Variants in KIF13A observed in about 807,000 individuals in gnomAD.
KIF13A encodes kinesin family member 13A, also known as kinesin-like protein KIF13A.
In KIF13A, 79 loss-of-function variants were observed where a neutral mutation model predicts 212.2. The ratio of observed to expected loss-of-function variants is 0.37; its 90% CI spans 0.31 to 0.45. The LOEUF is 0.45. Among genes scored for constraint, KIF13A ranks in the 20% least tolerant of loss-of-function variants. The pLI is 1.00. For missense variants in KIF13A, 1,901 were observed against 2,209.0 expected (o/e 0.86, Z 2.79); for synonymous variants, 789 against 808.6 (o/e 0.98, Z 0.41).
chr6:17,792,065 C>T (rs1208620876), intron 25 of KIF13A, among the ~76,000 whole-genome samples: 2 of 151,292 alleles, frequency 1.3e-5, no homozygotes, highest in Admixed American at 6.6e-5. Flanking sequence ...TAGACAGGTG[C>T]GTTGGCAGGT....
At chr6:17,952,992 C>T (rs1023705692) in intron 2 of KIF13A, among the ~76,000 whole-genome samples, 4 of 151,054 alleles carry the variant, frequency 2.6e-5, no homozygotes, top group South Asian at 2.1e-4. Context: ...AAGAGAGGAC[C>T]GGAGGGGAGA....
chr6:17,764,618 G>A lies in KIF13A; in HGVS notation c.4910C>T (p.Thr1637Ile). ...CCTGAAATCATGCACAAGCGATGGT[G>A]TGGAGTGCTCGGTGGAGTCTGCATC... is the stretch of plus-strand genomic sequence containing the variant. ...TKDADSTEHS[T>I]PSLVHDFRPS... is the part of the protein sequence containing the mutation. Residue 1637 changes from threonine to isoleucine, a missense_variant, in exon 39 of 39, where the codon ACA becomes ATA. By Grantham distance (89) the Thr-to-Ile change is moderately conservative. Around this residue, in one of 5 missense-constraint regions of KIF13A, gnomAD observed 687 missense variants for 759.1 expected, o/e 0.90. Coordinates refer to ENST00000259711, the MANE Select transcript of KIF13A (RefSeq NM_022113.6). The surrounding 1 kb of genome is among the most constrained non-coding windows in gnomAD (Gnocchi z 5.1). 1 of 1,614,004 alleles carries A rather than the reference G, an allele frequency of 6.2e-7. No individual in the cohort carries two copies. The highest frequency in any genetic ancestry group is 8.5e-7 in the Non-Finnish European group (1 of 1,179,898).
Position 17,816,916 on chromosome 6 carries a change from T to C in KIF13A, c.2000+104A>G. The stretch of plus-strand genomic sequence containing the variant: ...CAATATCACGTATGGGATTAAGAGT[T>C]CTCTTGTTGCTAGGTTTGTCCCTGA... On this transcript the variant is annotated intron_variant, in intron 17 of 38. Coordinates refer to ENST00000259711, the MANE Select transcript of KIF13A (RefSeq NM_022113.6). This position sits in a 1 kb window ranked among gnomAD's most constrained non-coding sequence, Gnocchi z 4.3. 1 of 816,766 alleles carries C rather than the reference T, an allele frequency of 1.2e-6. No individual in the cohort carries two copies. The highest frequency in any genetic ancestry group is 2.7e-5 in the East Asian group (1 of 37,572). 50.6% of individuals were successfully genotyped at this position (816,766 alleles called of 1,614,324 possible). A position where few individuals can be genotyped will look rare whatever the true frequency, so the allele number is the denominator to read the frequency against.
rs1022746338 is a variant in KIF13A, at chr6:17,825,745, G to A, written c.1786+23C>T. ...GAGGTGAGGAAATGCCCAAGGCGCT[G>A]GAACACAGAGTGAGGGTCTTACCAT... On this transcript the variant is annotated intron_variant, in intron 16 of 38. Transcript: ENST00000259711. The surrounding 1 kb of genome is among the most constrained non-coding windows in gnomAD (Gnocchi z 4.5). 14 of 1,603,482 alleles carry A rather than the reference G, an allele frequency of 8.7e-6. No individual in the cohort carries two copies. In the Admixed American group the frequency reaches 1.4e-4, roughly 16 times the overall value.
intron 38 of KIF13A, among the ~76,000 whole-genome samples, chr6:17,767,644 G>A (rs1339154581): frequency 6.6e-6 from 1 of 152,142 alleles, no homozygotes; most frequent in Non-Finnish European, 1.5e-5. Context: ...CATACCTGAT[G>A]CAATTAATTA....
chr6:17,768,590 T>C lies in KIF13A; in HGVS notation c.4581+2524A>G, dbSNP rs952619732. Among the ~76,000 whole-genome samples the C allele has an allele frequency of 1.3e-5, 2 of 152,206 alleles. No homozygotes were observed. Among genetic ancestry groups the C allele is most frequent in the Non-Finnish European group, 2.9e-5 (2 of 68,042 alleles). On this transcript the variant is annotated intron_variant, in intron 38 of 38. Transcript: ENST00000259711. The surrounding 1 kb of genome is among the most constrained non-coding windows in gnomAD (Gnocchi z 5.4). ...AGAGCAGCTGCAGGGCATACTGGAA[T>C]TGCACTATATTTGAAAGCACCTGGA...
At position 17,895,286 on chromosome 6, in the gene KIF13A, G is replaced by A. The variant is rs1772458224; in HGVS notation, c.159+2882C>T. 1.3e-5 allele frequency among the ~76,000 whole-genome samples: 2 copies of A among 152,106 alleles called. No individual in the cohort carries two copies. The highest frequency in any genetic ancestry group is 6.6e-5 in the Admixed American group (1 of 15,254). On this transcript the variant is annotated intron_variant, in intron 3 of 38. Transcript: ENST00000259711. The surrounding 1 kb of genome is among the most constrained non-coding windows in gnomAD (Gnocchi z 4.4). ...TCTATTTCTAATTTTTATTATTTCT[G>A]TTGGCTCTTGTTCATGTCACATCTT...
rs1760810272 is a variant in KIF13A, at chr6:17,783,766, A to C, written c.3489-65T>G. 4.8e-6 allele frequency: 5 copies of C among 1,043,688 alleles called. No homozygotes were observed. The South Asian group carries it at 5.4e-5, about 11-fold the overall frequency. 64.7% of individuals were successfully genotyped at this position (1,043,688 alleles called of 1,614,324 possible). ...ATTTTACATCTTGTTAGCTGATAAA[A>C]CACCACAGAGCTGTGGAAGCAAAGA... On this transcript the variant is annotated intron_variant, in intron 28 of 38. Transcript: ENST00000259711. The surrounding 1 kb of genome is among the most constrained non-coding windows in gnomAD (Gnocchi z 4.3).
chr6:17,937,678 A>G (rs1049509774), intron 2 of KIF13A, among the ~76,000 whole-genome samples: 1 of 152,128 alleles, frequency 6.6e-6, no homozygotes, highest in African/African-American at 2.4e-5. Context: ...CAATATAAGA[A>G]TGTACAAGAA....
Position 17,963,982 on chromosome 6 carries a change from T to C in KIF13A, c.146+23072A>G, listed in dbSNP as rs543815012. On this transcript the variant is annotated intron_variant, in intron 2 of 38. Transcript: ENST00000259711. This position sits in a 1 kb window ranked among gnomAD's most constrained non-coding sequence, Gnocchi z 4.1. ...AAATTTACACCTCAGCTAGGCACAA[T>C]GGGTCATGCTTGTAATTCCAGCACT... 6.6e-6 allele frequency among the ~76,000 whole-genome samples: 1 copy of C among 152,290 alleles called. No homozygotes were observed. Among genetic ancestry groups the C allele is most frequent in the African/African-American group, 2.4e-5 (1 of 41,560 alleles).
Position 17,919,297 on chromosome 6 carries a change from C to T in KIF13A, c.147-21117G>A, listed in dbSNP as rs1774829940. Among the ~76,000 whole-genome samples, 2 of 152,180 alleles carry T rather than the reference C, an allele frequency of 1.3e-5. No individual in the cohort carries two copies. Among genetic ancestry groups the T allele is most frequent in the South Asian group, 4.1e-4 (2 of 4,828 alleles). On this transcript the variant is annotated intron_variant, in intron 2 of 38. Transcript: ENST00000259711. This position sits in a 1 kb window ranked among gnomAD's most constrained non-coding sequence, Gnocchi z 4.1. ...GAAAGTATCCCTCTTCAACAATTAC[C>T]AATACATGGCCAGTCTTGCACAGGT...
At chr6:17,887,958 A>G (rs1368134255) in intron 3 of KIF13A, among the ~76,000 whole-genome samples, 2 of 150,480 alleles carry the variant, frequency 1.3e-5, no homozygotes, top group South Asian at 2.1e-4. Flanking sequence ...CGTCTGCCTC[A>G]GCCTCCCAAA....
chr6:17,985,563 C>G (rs994403977), intron 2 of KIF13A, among the ~76,000 whole-genome samples: 1 of 145,408 alleles, frequency 6.9e-6, no homozygotes, highest in African/African-American at 2.6e-5. Flanking sequence ...AAGTATTCTA[C>G]CTGTTCCCCC....
At chr6:17,766,286 C>A (rs1758974241) in intron 38 of KIF13A, among the ~76,000 whole-genome samples, 1 of 149,048 alleles carries the variant, frequency 6.7e-6, no homozygotes, top group African/African-American at 2.5e-5. Context: ...GTTGCCCAGG[C>A]TGGAGTGCAA....
chr6:17,805,395 G>GTGTC lies in KIF13A; in HGVS notation c.2304+79_2304+80insGACA, dbSNP rs1762857045. On this transcript the variant is annotated intron_variant, in intron 19 of 38. Transcript: ENST00000259711. ...CGTGTGTGTGTGTGTGTGTGTGTGT[G>GTGTC]TGTGTGTGTGTGTTGCTAAATCGCT... 3.1e-5 allele frequency: 19 copies of GTGTC among 613,362 alleles called. No homozygotes were observed. In the Admixed American group the frequency reaches 5.0e-4, roughly 16 times the overall value. The allele number at this position is 613,362 out of a possible 1,614,324, so 38.0% of individuals were successfully genotyped here. A position where few individuals can be genotyped will look rare whatever the true frequency, so the allele number is the denominator to read the frequency against.
chr6:17,775,050 G>A lies in KIF13A; in HGVS notation c.4183C>T (p.Arg1395Ter), dbSNP rs900971113. The A allele has an allele frequency of 1.8e-5, 29 of 1,611,444 alleles. No individual in the cohort carries two copies. The highest frequency in any genetic ancestry group is 2.7e-5 in the African/African-American group (2 of 74,848). The change falls in exon 35 of 39, where the codon CGA becomes TGA. Residue 1395 changes from arginine (R) to a stop codon, truncating the protein, a stop_gained. Transcript: ENST00000259711. LOFTEE classifies it high-confidence loss of function. ...TCATCAAAGCCAGAAAGGTCCGGTC[G>A]GCTGGAAGAGACCTATAAGAGAAGA... ...TPNVHNVSSSRPDLSGFDEDD... is the reference protein window; with the variant it reads ...TPNVHNVSSS
rs368255973 is a variant in KIF13A, at chr6:17,767,537, G to T, written c.4582-2591C>A. Among the ~76,000 whole-genome samples, 17 of 152,052 alleles carry T rather than the reference G, an allele frequency of 1.1e-4. No individual in the cohort carries two copies. The East Asian group carries it at 2.9e-3, about 26-fold the overall frequency. ...TCTAAAGTGCTGGGATTACAGGTGT[G>T]AGCCACCATGCCCGGCACAAAATTA... On this transcript the variant is annotated intron_variant, in intron 38 of 38. Transcript: ENST00000259711.
At position 17,825,631 on chromosome 6, in the gene KIF13A, G is replaced by T; in HGVS notation, c.1786+137C>A. The T allele has an allele frequency of 2.7e-6, 2 of 735,952 alleles. No homozygotes were observed. The highest frequency in any genetic ancestry group is 4.4e-6 in the Non-Finnish European group (2 of 452,250). The allele number at this position is 735,952 out of a possible 1,614,324, so 45.6% of individuals were successfully genotyped here. ...TCTTGTCATTAGTTATTCACTGATG[G>T]CCTTTTAAAGAAATGAGCAGTTTTA... On this transcript the variant is annotated intron_variant, in intron 16 of 38. Transcript: ENST00000259711. The surrounding 1 kb of genome is among the most constrained non-coding windows in gnomAD (Gnocchi z 4.5).
Position 17,899,415 on chromosome 6 carries a change from G to A in KIF13A, c.147-1235C>T, listed in dbSNP as rs1014535. On this transcript the variant is annotated intron_variant, in intron 2 of 38. Transcript: ENST00000259711. The surrounding 1 kb of genome is among the most constrained non-coding windows in gnomAD (Gnocchi z 5.2). ...GTAGATTTTCCAGGGCAGAGGGCAC[G>A]GAAAGGTATAGGCAAAACAGCAGGA... Among the ~76,000 whole-genome samples, 104,499 of 152,074 alleles carry A rather than the reference G, an allele frequency of 0.69. 37,037 individuals are homozygous for A. Among genetic ancestry groups the A allele is most frequent in the Non-Finnish European group, 0.78 (53,192 of 67,996 alleles).
Sources: gnomAD v4.1 joint callset for allele counts (sites outside exome capture counted in the v4.1 genomes callset) on GRCh38, gnomAD v4.1.1 for gene constraint, gnomAD v4.1.1 regional missense constraint, Gnocchi (gnomAD v3.1) non-coding constraint, MANE v1.5 for transcripts, NCBI Gene and HGNC (gene_info 2026-07-23, HGNC 2026-07-21) for gene names.